STAC: variants seen among roughly 807,000 people sequenced by gnomAD.
STAC encodes the protein SH3 and cysteine-rich domain-containing protein.
STAC carries 43 observed loss-of-function variants against 48.8 expected under a neutral mutation model. That is an observed-to-expected ratio of 0.88 (90% CI 0.69 to 1.14). STAC has a LOEUF of 1.14. STAC is among the 50% of genes most tolerant of loss of function. The pLI is 0.00. For synonymous variants in STAC, 193 were observed against 179.5 expected (o/e 1.07, Z -0.60); for missense variants, 497 against 504.0 (o/e 0.99, Z 0.13).
At chr3:36,460,891 A>G (rs1055133269) in intron 2 of STAC, among the ~76,000 whole-genome samples, 1 of 152,210 alleles carries the variant, frequency 6.6e-6, no homozygotes, top group African/African-American at 2.4e-5. Context: ...CCACAAAAAA[A>G]TCCTGAATAG....
intron 1 of STAC, among the ~76,000 whole-genome samples, chr3:36,442,391 G>T (rs912136479): frequency 6.6e-6 from 1 of 152,308 alleles, no homozygotes; most frequent in East Asian, 1.9e-4. Flanking sequence ...GTGACTTGTT[G>T]CTGGGTGAAA....
At chr3:36,419,515 G>A (rs1700398703) in intron 1 of STAC, among the ~76,000 whole-genome samples, 2 of 152,150 alleles carry the variant, frequency 1.3e-5, no homozygotes, top group African/African-American at 4.8e-5. Flanking sequence ...CACACAATGG[G>A]GTAAAGATGG....
At chr3:36,476,592 G>A (rs1348893344) in intron 2 of STAC, among the ~76,000 whole-genome samples, 1 of 152,202 alleles carries the variant, frequency 6.6e-6, no homozygotes, top group East Asian at 1.9e-4. Context: ...TGATCTCCAT[G>A]TGATTCTGTT....
intron 10 of STAC, among the ~76,000 whole-genome samples, chr3:36,530,495 A>C (rs1463181246): frequency 6.6e-6 from 1 of 151,632 alleles, no homozygotes; most frequent in Non-Finnish European, 1.5e-5. Flanking sequence ...TTAATCAACC[A>C]TTGTATAGTC....
At chr3:36,534,916 C>A (rs963709504) in intron 10 of STAC, among the ~76,000 whole-genome samples, 1 of 152,206 alleles carries the variant, frequency 6.6e-6, no homozygotes, top group Admixed American at 6.6e-5. Flanking sequence ...TCCCCAGCCT[C>A]CCAAAGTACT....
chr3:36,425,364 C>A (rs1474311235), intron 1 of STAC, among the ~76,000 whole-genome samples: 1 of 152,110 alleles, frequency 6.6e-6, no homozygotes, highest in African/African-American at 2.4e-5. Flanking sequence ...GAAAGATAAT[C>A]TAGAAAATAA....
At chr3:36,535,643 T>C (rs996945433) in intron 10 of STAC, among the ~76,000 whole-genome samples, 1 of 152,190 alleles carries the variant, frequency 6.6e-6, no homozygotes, top group African/African-American at 2.4e-5. Flanking sequence ...GGTACGTTCC[T>C]TCAATACCTA....
intron 6 of STAC, among the ~76,000 whole-genome samples, chr3:36,498,052 G>A (rs1012425391): frequency 2.0e-5 from 3 of 152,060 alleles, no homozygotes; most frequent in Non-Finnish European, 4.4e-5. Context: ...AAAATGAGCC[G>A]TGATGAGTAA....
At chr3:36,504,504 T>A (rs770476454) in intron 7 of STAC, 47 bp downstream of exon 7, 3 of 1,565,502 alleles carry the variant, frequency 1.9e-6, no homozygotes, top group African/African-American at 1.4e-5. Context: ...AGTCCTTAGA[T>A]AGACCTGCAG....
At chr3:36,380,844 G>A (rs1019631320) in intron 1 of STAC, 90 bp downstream of exon 1, 2 of 988,636 alleles carry the variant, frequency 2.0e-6, no homozygotes, top group South Asian at 1.6e-5. Flanking sequence ...TAGCACGGGC[G>A]TGGGGGTCTG....
At chr3:36,451,734 A>G (rs1031341413) in intron 2 of STAC, among the ~76,000 whole-genome samples, 5 of 152,222 alleles carry the variant, frequency 3.3e-5, no homozygotes, top group Admixed American at 2.0e-4. Context: ...CACTTCAAAC[A>G]TTCATCATTT....
At chr3:36,501,050 C>T (rs973231254) in intron 6 of STAC, among the ~76,000 whole-genome samples, 5 of 152,102 alleles carry the variant, frequency 3.3e-5, no homozygotes, top group African/African-American at 1.2e-4. Context: ...TATAATTGTG[C>T]CACTGCTCTC....
chr3:36,528,959 G>C lies in STAC; in HGVS notation c.1084G>C (p.Gly362Arg). 1.2e-6 allele frequency: 2 copies of C among 1,609,844 alleles called. No homozygotes were observed. The highest frequency in any genetic ancestry group is 2.2e-5 in the East Asian group (1 of 44,708). Residue 362 changes from glycine (G) to arginine (R), a missense_variant, in exon 10 of 11, where the codon GGG (glycine) becomes CGG (arginine). Transcript: ENST00000273183. Reference protein sequence around the residue: ...VRTFIGCKEQGQITLKENQIC... With the variant: ...VRTFIGCKEQRQITLKENQIC... ...AACCTTCATTGGGTGTAAGGAACAG[G>C]GGCAGATAACACTGAAAGAGAATCA...
intron 2 of STAC, among the ~76,000 whole-genome samples, chr3:36,450,899 T>C (rs1182612868): frequency 6.6e-6 from 1 of 152,218 alleles, no homozygotes; most frequent in East Asian, 1.9e-4. Context: ...TTAGTTTTTT[T>C]CATGTTTGTT....
intron 8 of STAC, among the ~76,000 whole-genome samples, chr3:36,519,842 G>C (rs1268471486): frequency 6.6e-6 from 1 of 152,188 alleles, no homozygotes; most frequent in South Asian, 2.1e-4. Flanking sequence ...CATAGGCAAT[G>C]AGGAATGCTG....
chr3:36,398,432 G>T (rs1699917641), intron 1 of STAC, among the ~76,000 whole-genome samples: 1 of 67,268 alleles, frequency 1.5e-5, no homozygotes, highest in African/African-American at 5.6e-5. Context: ...AGGAAGGAAG[G>T]AAGGAAGGAA....
chr3:36,492,031 AATATATATATATATAT>A (rs11267408), intron 5 of STAC, among the ~76,000 whole-genome samples: 42 of 16,432 alleles, frequency 2.6e-3, no homozygotes, highest in African/African-American at 5.8e-3. Context: ...AAAAAAAAAA[AATATATATATATATAT>A]ATATATATAT....
chr3:36,396,349 AAAT>A (rs1699857436), intron 1 of STAC, among the ~76,000 whole-genome samples: 1 of 152,188 alleles, frequency 6.6e-6, no homozygotes, highest in South Asian at 2.1e-4. Context: ...ATATTATAAA[AAAT>A]AATAAAAATC....
intron 2 of STAC, among the ~76,000 whole-genome samples, chr3:36,444,648 AC>A (rs1696456657): frequency 6.6e-6 from 1 of 152,110 alleles, no homozygotes; most frequent in African/African-American, 2.4e-5. Context: ...GACAGGGGCA[AC>A]CCCCTAGCCC....
Sources: gnomAD v4.1 joint callset for allele counts (sites outside exome capture counted in the v4.1 genomes callset) on GRCh38, gnomAD v4.1.1 for gene constraint, MANE v1.5 for transcripts, NCBI Gene and HGNC (gene_info 2026-07-23, HGNC 2026-07-21) for gene names.